PCNX2: variants seen among roughly 807,000 people sequenced by gnomAD.
The protein encoded by PCNX2 is pecanex-like protein 2.
Under a neutral mutation model 223.8 loss-of-function variants are expected in PCNX2, and 168 were observed. The observed-to-expected ratio is 0.75, with a 90% CI of 0.66 to 0.85. The LOEUF is 0.85. Ranked by LOEUF, PCNX2 falls within the 40% of genes least tolerant of loss-of-function variation. The pLI, the probability that PCNX2 is intolerant of heterozygous loss-of-function variation, is 0.00. For missense variants in PCNX2, 2,507 were observed against 2,675.5 expected (o/e 0.94, Z 1.39); for synonymous variants, 1,006 against 1,052.6 (o/e 0.96, Z 0.86).
chr1:233,041,365 G>A (rs1671639881), intron 25 of PCNX2, among the ~76,000 whole-genome samples: 1 of 152,176 alleles, frequency 6.6e-6, no homozygotes, highest in Admixed American at 6.6e-5. Context: ...AACCTTTTGA[G>A]CACTGATGTG....
At chr1:233,086,132 T>C in intron 23 of PCNX2, among the ~76,000 whole-genome samples, 1 of 152,088 alleles carries the variant, frequency 6.6e-6, no homozygotes, top group South Asian at 2.1e-4. Flanking sequence ...GCCAACTAGG[T>C]GTGGACAGGA....
rs533150292 is a variant in PCNX2, at chr1:233,133,918, T to A, written c.3837+1095A>T. 2.1e-3 allele frequency among the ~76,000 whole-genome samples: 322 copies of A among 152,140 alleles called. 1 individual carries two copies. The highest frequency in any genetic ancestry group is 6.8e-3 in the Middle Eastern group (2 of 294). On this transcript the variant is annotated intron_variant, in intron 21 of 33. Transcript: ENST00000258229. Reference sequence around the variant, plus strand: ...AAATTCACGTGCAATGGTGGGGTGGTGGGAATTACTTATGAGGCCTCTTTA... The same window carrying A: ...AAATTCACGTGCAATGGTGGGGTGGAGGGAATTACTTATGAGGCCTCTTTA...
At chr1:233,045,592 A>G (rs1671797386) in intron 25 of PCNX2, among the ~76,000 whole-genome samples, 1 of 152,222 alleles carries the variant, frequency 6.6e-6, no homozygotes, top group Non-Finnish European at 1.5e-5. Context: ...CTCCCATTAT[A>G]GAAACTAAAG....
chr1:233,299,119 T>C (rs1294344), upstream of PCNX2, among the ~76,000 whole-genome samples: 99,655 of 151,384 alleles, frequency 0.66, 33,065 homozygotes, highest in East Asian at 0.73. Context: ...TGCAATTCCT[T>C]CCATTGTGCC....
intron 27 of PCNX2, among the ~76,000 whole-genome samples, chr1:233,015,274 C>G (rs982296736): frequency 6.6e-6 from 1 of 152,152 alleles, no homozygotes; most frequent in African/African-American, 2.4e-5. Flanking sequence ...TCTTTTAGCT[C>G]GGGCATGGTG....
At chr1:233,308,189 G>A in the PCNX2 span, among the ~76,000 whole-genome samples, 3 of 152,210 alleles carry the variant, frequency 2.0e-5, no homozygotes, top group Non-Finnish European at 4.4e-5. Flanking sequence ...GGGCGTAGTG[G>A]CTCACGCCTG....
chr1:233,054,603 G>A, intron 24 of PCNX2, 120 bp from the exon 25 acceptor site: 10 of 777,418 alleles, frequency 1.3e-5, no homozygotes, highest in Non-Finnish European at 2.0e-5. Flanking sequence ...ATACATAAAA[G>A]AGGAAAGATG....
At chr1:233,104,479 A>C (rs1428374525) in intron 21 of PCNX2, among the ~76,000 whole-genome samples, 1 of 152,128 alleles carries the variant, frequency 6.6e-6, no homozygotes, top group Admixed American at 6.5e-5. Context: ...AAATAATTGA[A>C]ATGTATACAC....
At chr1:233,172,376 AG>A in intron 17 of PCNX2, 6 of 985,472 alleles carry the variant, frequency 6.1e-6, no homozygotes, top group Non-Finnish European at 7.2e-6. Context: ...TCATAAATTG[AG>A]GGATTTGGTG....
At chr1:233,246,607 G>C (rs73111119) in intron 8 of PCNX2, among the ~76,000 whole-genome samples, 11,106 of 152,136 alleles carry the variant, frequency 0.073, 1,008 homozygotes, top group African/African-American at 0.22. Flanking sequence ...GTTACTACCC[G>C]AACTACTGAA....
intron 21 of PCNX2, among the ~76,000 whole-genome samples, chr1:233,116,208 T>C (rs886707768): frequency 2.6e-5 from 4 of 152,152 alleles, no homozygotes; most frequent in African/African-American, 7.2e-5. Context: ...CTCTCAACAA[T>C]TGACAGAATG....
intron 23 of PCNX2, among the ~76,000 whole-genome samples, chr1:233,070,057 A>G (rs542526823): frequency 2.9e-4 from 44 of 152,194 alleles, no homozygotes; most frequent in Non-Finnish European, 5.9e-4. Flanking sequence ...AGTATCAAAA[A>G]GATAATAGGG....
intron 1 of PCNX2, among the ~76,000 whole-genome samples, chr1:233,268,210 T>C (rs182547175): frequency 9.9e-4 from 150 of 152,194 alleles, no homozygotes; most frequent in Non-Finnish European, 1.8e-3. Flanking sequence ...CCGCGCCTGG[T>C]TTATGTTTAA....
chr1:233,144,070 A>AAGTAG (rs1210999950), intron 19 of PCNX2, among the ~76,000 whole-genome samples: 1 of 152,110 alleles, frequency 6.6e-6, no homozygotes, highest in African/African-American at 2.4e-5. Context: ...AGTCCCAGCT[A>AAGTAG]CTTGGGAGGC....
At chr1:233,252,976 G>A (rs1200056291) in intron 5 of PCNX2, among the ~76,000 whole-genome samples, 188 bp from the exon 6 acceptor site, 1 of 152,162 alleles carries the variant, frequency 6.6e-6, no homozygotes, top group African/African-American at 2.4e-5. Flanking sequence ...GTGAAAAACA[G>A]AAGTATGTAT....
intron 25 of PCNX2, chr1:233,025,656 A>G (rs1671058462): frequency 1.9e-6 from 1 of 516,800 alleles, no homozygotes; most frequent in Non-Finnish European, 3.4e-6. Context: ...TGGAGATATG[A>G]GCTAAATGTC....
intron 21 of PCNX2, chr1:233,134,654 AGACGGAGG>A (rs1173351534): frequency 8.3e-5 from 23 of 278,762 alleles, no homozygotes; most frequent in Admixed American, 2.1e-4. Context: ...AGGGAGGGAG[AGACGGAGG>A]GAGGGAGGGA....
chr1:233,187,657 A>G (rs1680181686), intron 15 of PCNX2, among the ~76,000 whole-genome samples: 1 of 152,152 alleles, frequency 6.6e-6, no homozygotes, highest in South Asian at 2.1e-4. Flanking sequence ...GTCAGCTGAC[A>G]CCATCAAGCT....
At chr1:233,240,495 G>A (rs1209865413) in intron 8 of PCNX2, among the ~76,000 whole-genome samples, 1 of 152,142 alleles carries the variant, frequency 6.6e-6, no homozygotes, top group East Asian at 1.9e-4. Context: ...TAATGGAAAT[G>A]GAAATATCCC....
Sources: allele counts gnomAD v4.1 joint callset (sites outside exome capture counted in the v4.1 genomes callset), GRCh38; gene constraint gnomAD v4.1.1; transcripts MANE v1.5; gene names NCBI Gene and HGNC (gene_info 2026-07-23, HGNC 2026-07-21).